Variants in PCDH9 observed in about 807,000 individuals in gnomAD.
The protein encoded by PCDH9 is protocadherin 9.
In PCDH9, 24 loss-of-function variants were observed where a neutral mutation model predicts 70.6. The ratio of observed to expected loss-of-function variants is 0.34; its 90% CI spans 0.25 to 0.48. The LOEUF (loss-of-function observed/expected upper bound fraction) is 0.48. PCDH9 is among the 20% of genes least tolerant of loss of function. The pLI, the probability that PCDH9 is intolerant of heterozygous loss-of-function variation, is 0.99. For synonymous variants in PCDH9, 562 were observed against 558.5 expected, an observed-to-expected ratio of 1.01 and a Z score of -0.09; for missense variants, 1,281 against 1,503.6, an observed-to-expected ratio of 0.85 and a Z score of 2.45.
At chr13:66,947,343 T>C (rs1382953489) in intron 2 of PCDH9, among the ~76,000 whole-genome samples, 1 of 152,172 alleles carries the variant, frequency 6.6e-6, no homozygotes, top group African/African-American at 2.4e-5. Context: ...AAATGTCAGA[T>C]ACAGTAAGAT....
chr13:66,419,996 T>C (rs935043579), intron 4 of PCDH9, among the ~76,000 whole-genome samples: 1 of 151,926 alleles, frequency 6.6e-6, no homozygotes, highest in African/African-American at 2.4e-5. Context: ...GGGAGGGGCA[T>C]CCGCCATTAC....
At chr13:66,802,164 G>T (rs1172049174) in intron 3 of PCDH9, among the ~76,000 whole-genome samples, 2 of 151,298 alleles carry the variant, frequency 1.3e-5, no homozygotes, top group Non-Finnish European at 3.0e-5. Flanking sequence ...GTTTTAGTCT[G>T]CCCTTAAAAA....
At chr13:66,657,623 T>G (rs1473325855) in intron 3 of PCDH9, among the ~76,000 whole-genome samples, 1 of 152,216 alleles carries the variant, frequency 6.6e-6, no homozygotes, top group East Asian at 1.9e-4. Context: ...TTCTTTGGAA[T>G]CCAGCAGATC....
chr13:66,689,747 G>A (rs902200094), intron 3 of PCDH9, among the ~76,000 whole-genome samples: 3 of 151,908 alleles, frequency 2.0e-5, no homozygotes, highest in Non-Finnish European at 2.9e-5. Flanking sequence ...ATAGACAACC[G>A]CAGGCTGAGG....
intron 3 of PCDH9, among the ~76,000 whole-genome samples, chr13:66,833,409 A>G (rs1489614359): frequency 6.6e-6 from 1 of 152,032 alleles, no homozygotes; most frequent in Non-Finnish European, 1.5e-5. Flanking sequence ...CATACATTTC[A>G]TTTGATCCTC....
At chr13:66,568,682 A>T (rs1386614105) in intron 4 of PCDH9, among the ~76,000 whole-genome samples, 5 of 151,988 alleles carry the variant, frequency 3.3e-5, no homozygotes, top group Non-Finnish European at 7.4e-5. Context: ...CAAAAAAAAA[A>T]AAGAAAATGA....
chr13:66,729,665 A>G (rs575862969), intron 3 of PCDH9, among the ~76,000 whole-genome samples: 4 of 152,288 alleles, frequency 2.6e-5, no homozygotes, highest in Admixed American at 2.6e-4. Context: ...TTAGCAGCTT[A>G]CATTGCTATT....
chr13:66,611,661 T>C (rs1467017804), intron 4 of PCDH9, among the ~76,000 whole-genome samples: 2 of 152,220 alleles, frequency 1.3e-5, no homozygotes, highest in Non-Finnish European at 2.9e-5. Context: ...GGAATACTTA[T>C]CTTTCTTCAA....
chr13:66,323,283 C>T (rs1955787010), intron 4 of PCDH9: 1 of 151,866 alleles, frequency 6.6e-6, no homozygotes, highest in Non-Finnish European at 1.5e-5. Context: ...GGCATTACTT[C>T]AAAAATTAAC....
intron 4 of PCDH9, among the ~76,000 whole-genome samples, chr13:66,474,366 A>G (rs1256276703): frequency 6.6e-6 from 1 of 152,176 alleles, no homozygotes; most frequent in Non-Finnish European, 1.5e-5. Context: ...ATAGAAAAAC[A>G]GATAAATTCA....
Position 67,228,125 on chromosome 13 carries a change from C to G in PCDH9, c.316G>C (p.Glu106Gln). ...KLCAGASYAEENECFFELEVV... is the reference protein window; with the variant it reads ...KLCAGASYAEQNECFFELEVV... ...TCAAGTTCAAAGAAACACTCATTCT[C>G]CTCAGCATATGAGGCGCCAGCACAG... Residue 106 changes from glutamate (E) to glutamine (Q), a missense_variant, in exon 2 of 5, where the codon GAG (glutamate) becomes CAG (glutamine). Transcript: ENST00000377865. 2 of 1,614,158 alleles carry G rather than the reference C, an allele frequency of 1.2e-6. No individual in the cohort carries two copies. The highest frequency in any genetic ancestry group is 1.7e-6 in the Non-Finnish European group (2 of 1,180,012).
At chr13:66,414,246 A>G (rs1403078728) in intron 4 of PCDH9, among the ~76,000 whole-genome samples, 1 of 152,226 alleles carries the variant, frequency 6.6e-6, no homozygotes, top group Non-Finnish European at 1.5e-5. Flanking sequence ...CAATGAAAAT[A>G]AACAAATGGG....
chr13:66,644,664 T>A (rs1232304125), intron 3 of PCDH9, among the ~76,000 whole-genome samples: 1 of 151,998 alleles, frequency 6.6e-6, no homozygotes, highest in Non-Finnish European at 1.5e-5. Context: ...ACATCAGTCA[T>A]CAAGGCTCTA....
chr13:66,626,146 G>A (rs531588947), intron 4 of PCDH9, among the ~76,000 whole-genome samples: 5 of 152,080 alleles, frequency 3.3e-5, no homozygotes, highest in Non-Finnish European at 5.9e-5. Flanking sequence ...ATCATTGGGA[G>A]TCTTTGATCC....
In PCDH9 at chr13:66,976,684, G is replaced by C. The variant is rs529927272; in HGVS notation, c.3037-73079C>G. Among the ~76,000 whole-genome samples, 5 of 152,208 alleles carry C rather than the reference G, an allele frequency of 3.3e-5. No homozygotes were observed. The East Asian group carries it at 9.7e-4, about 29-fold the overall frequency. ...GCTAGGATCAGAACAAGCGCCTTTA[G>C]GTGGAAGTCAGGGTAGATGGGAAAA... On this transcript the variant is annotated intron_variant, in intron 2 of 4. Coordinates refer to ENST00000377865, the MANE Select transcript of PCDH9 (RefSeq NM_203487.3).
chr13:66,429,426 TTC>T (rs1467610196), intron 4 of PCDH9, among the ~76,000 whole-genome samples: 6 of 15,016 alleles, frequency 4.0e-4, no homozygotes, highest in Admixed American at 2.4e-3. Context: ...TTGTTATTTT[TTC>T]TGTTTTTTTT....
intron 2 of PCDH9, among the ~76,000 whole-genome samples, chr13:67,039,567 C>CA (rs1263576513): frequency 3.9e-5 from 6 of 152,276 alleles, no homozygotes; most frequent in African/African-American, 1.4e-4. Context: ...TTTCTCACTA[C>CA]AAAAACCCAG....
chr13:67,012,729 C>T (rs1174551575), intron 2 of PCDH9, among the ~76,000 whole-genome samples: 7 of 152,122 alleles, frequency 4.6e-5, no homozygotes, highest in African/African-American at 1.2e-4. Flanking sequence ...TCTCCTCCAA[C>T]TAAATCAAAT....
Position 66,663,806 on chromosome 13 carries a change from G to T in PCDH9, c.3139-32395C>A, listed in dbSNP as rs190458471. ...TTAGAGATGTGTACATGCCTTGAAGGTTCCATGGAATCCTTTGCAGATAGA... is the reference window on the plus strand; with the variant it reads ...TTAGAGATGTGTACATGCCTTGAAGTTTCCATGGAATCCTTTGCAGATAGA... On this transcript the variant is annotated intron_variant, in intron 3 of 4. Transcript: ENST00000377865. 4.5e-3 allele frequency among the ~76,000 whole-genome samples: 682 copies of T among 152,216 alleles called. 23 individuals are homozygous for T. The highest frequency in any genetic ancestry group is 0.041 in the Admixed American group (631 of 15,286).
Sources: allele counts gnomAD v4.1 joint callset (sites outside exome capture counted in the v4.1 genomes callset), GRCh38; gene constraint gnomAD v4.1.1; transcripts MANE v1.5; gene names NCBI Gene and HGNC (gene_info 2026-07-23, HGNC 2026-07-21).